Variants in MCAM observed in about 807,000 individuals in gnomAD.
The protein encoded by MCAM is cell surface glycoprotein MUC18.
Under a neutral mutation model 79.1 loss-of-function variants are expected in MCAM, and 55 were observed. The observed-to-expected ratio is 0.70, with a 90% CI of 0.56 to 0.87. The LOEUF (loss-of-function observed/expected upper bound fraction) is 0.87. Among genes scored for constraint, MCAM ranks in the 40% least tolerant of loss-of-function variants. The pLI, the probability that MCAM is intolerant of heterozygous loss-of-function variation, is 0.00. For synonymous variants in MCAM, 330 were observed against 339.8 expected, an observed-to-expected ratio of 0.97 and a Z score of 0.32; for missense variants, 745 against 839.8, an observed-to-expected ratio of 0.89 and a Z score of 1.40.
At chr11:119,314,607 C>T in intron 4 of MCAM, 31 bp from the exon 5 acceptor site, 1 of 1,611,422 alleles carries the variant, frequency 6.2e-7, no homozygotes, top group African/African-American at 1.3e-5. Context: ...GTCTCCCTGC[C>T]TCCGAGCCCC....
chr11:119,310,476 G>A lies in MCAM; in HGVS notation c.1794-10C>T, dbSNP rs1950215736. 1 of 1,548,210 alleles carries A rather than the reference G, an allele frequency of 6.5e-7. No individual in the cohort carries two copies. Among genetic ancestry groups the A allele is most frequent in the Admixed American group, 1.7e-5 (1 of 59,868 alleles). The stretch of plus-strand genomic sequence containing the variant: ...AGACGGGGGTAGCGTGCTGGGAGGA[G>A]GGAGGGAGGTGAGAGGTTGGTATCT... On this transcript the variant is annotated splice_polypyrimidine_tract_variant and intron_variant, in intron 14 of 15. Transcript: ENST00000264036.
chr11:119,312,257 G>A lies in MCAM; in HGVS notation c.1024+9C>T. On this transcript the variant is annotated intron_variant, in intron 8 of 15. Coordinates refer to ENST00000264036, the MANE Select transcript of MCAM (RefSeq NM_006500.3). This position sits in a 1 kb window ranked among gnomAD's most constrained non-coding sequence, Gnocchi z 4.9. ...CTGGTCCCCCTGTCCTGGGTCCCCA[G>A]CCCCTCACAGTTCACCAGTAGTTCC... The A allele has an allele frequency of 6.2e-7, 1 of 1,613,890 alleles. No homozygotes were observed. Among genetic ancestry groups the A allele is most frequent in the Non-Finnish European group, 8.5e-7 (1 of 1,179,884 alleles).
In MCAM at chr11:119,314,726, G is replaced by A. The variant is rs756434251; in HGVS notation, c.424C>T (p.Gln142Ter). ...ACAGGGATGCCCAGGGGGTTGACCT[G>A]GATGTTTGGCTCCTCCGGAGCTTCT... Reference protein sequence around the residue: ...VYKAPEEPNIQVNPLGIPVNS... With the variant: ...VYKAPEEPNI Residue 142 changes from glutamine (Q) to a stop codon, truncating the protein, a stop_gained, in exon 4 of 16, where the codon CAG (glutamine) becomes TAG (stop). Transcript: ENST00000264036. LOFTEE classifies it high-confidence loss of function. The A allele has an allele frequency of 6.2e-7, 1 of 1,613,948 alleles. No individual in the cohort carries two copies. Among genetic ancestry groups the A allele is most frequent in the Admixed American group, 1.7e-5 (1 of 59,998 alleles).
chr11:119,313,396 A>ATT (rs747407625), intron 5 of MCAM: 5,484 of 863,768 alleles, frequency 6.3e-3, no homozygotes, highest in Non-Finnish European at 6.9e-3. Context: ...ACTACTGATA[A>ATT]TTTTTTTTTT....
rs1327647967 is a variant in MCAM at position 119,311,842 on chromosome 11, C to T, written c.1251G>A (p.Leu417=). 1.2e-6 allele frequency: 2 copies of T among 1,614,152 alleles called. No homozygotes were observed. The highest frequency in any genetic ancestry group is 1.7e-6 in the Non-Finnish European group (2 of 1,180,022). ...CVASVPSIPG[L]NRTQLVNVAI... ...CCACGTTGACCAGCTGTGTGCGGTT[C>T]AGGCCGGGTATGCTGGGCACAGACG... The change falls in exon 10 of 16, where the codon CTG becomes CTA. Residue 417 remains leucine, a synonymous_variant. Coordinates refer to ENST00000264036, the MANE Select transcript of MCAM (RefSeq NM_006500.3). This position sits in a 1 kb window ranked among gnomAD's most constrained non-coding sequence, Gnocchi z 4.4.
chr11:119,314,643 G>A (rs745762745), intron 4 of MCAM, 36 bp downstream of exon 4: 77 of 1,610,658 alleles, frequency 4.8e-5, no homozygotes, highest in Non-Finnish European at 4.8e-5. Flanking sequence ...CAGCGGCTGC[G>A]CACCAGCTGC....
At chr11:119,310,558 C>T in intron 14 of MCAM, 92 bp from the exon 15 acceptor site, 1 of 1,110,398 alleles carries the variant, frequency 9.0e-7, no homozygotes, top group South Asian at 1.3e-5. Flanking sequence ...ATGAGGGCTC[C>T]TTGCTCCAGG....
Position 119,309,179 on chromosome 11 carries a change from T to C in MCAM, c.*707A>G, listed in dbSNP as rs547348495. On this transcript the variant is annotated 3_prime_UTR_variant, in exon 16 of 16. Coordinates refer to ENST00000264036, the MANE Select transcript of MCAM (RefSeq NM_006500.3). ...TTAGTAGAGACAGGGTTTCACCGTG[T>C]TAGCCAGGATGGTCTCGTCCTGACT... is the stretch of plus-strand genomic sequence containing the variant. 3 of 152,464 alleles carry C rather than the reference T, an allele frequency of 2.0e-5. No individual in the cohort carries two copies. In the East Asian group the frequency reaches 5.8e-4, roughly 29 times the overall value. The allele number at this position is 152,464 out of a possible 1,614,324, so 9.4% of individuals were successfully genotyped here.
At position 119,312,286 on chromosome 11, in the gene MCAM, G is replaced by C. The variant is rs781333582; in HGVS notation, c.1004C>G (p.Pro335Arg). ...LDTMISLLSE[P>R]QELLVNYVSD... Reference sequence around the variant, plus strand: ...CTCACAGTTCACCAGTAGTTCCTGTGGTTCACTCAGCAGCGATATCATGGT... The same window carrying C: ...CTCACAGTTCACCAGTAGTTCCTGTCGTTCACTCAGCAGCGATATCATGGT... Residue 335 changes from proline (P) to arginine (R), a missense_variant, in exon 8 of 16, where the codon CCA becomes CGA. Physicochemically the swap from Pro to Arg is moderately radical, Grantham distance 103. Coordinates refer to ENST00000264036, the MANE Select transcript of MCAM (RefSeq NM_006500.3). This position sits in a 1 kb window ranked among gnomAD's most constrained non-coding sequence, Gnocchi z 4.9. 2 of 1,614,046 alleles carry C rather than the reference G, an allele frequency of 1.2e-6. No homozygotes were observed. The highest frequency in any genetic ancestry group is 3.3e-5 in the Admixed American group (2 of 60,010).
rs1565280616 is a variant in MCAM at position 119,312,154 on chromosome 11, T to TCGGA, written c.1037_1040dup (p.Val348ProfsTer8). On this transcript the variant is annotated frameshift_variant, in exon 9 of 16. Coordinates refer to ENST00000264036, the MANE Select transcript of MCAM (RefSeq NM_006500.3). LOFTEE classifies it high-confidence loss of function. This position sits in a 1 kb window ranked among gnomAD's most constrained non-coding sequence, Gnocchi z 4.9. The stretch of plus-strand genomic sequence containing the variant: ...GTCTCTCAGGGGCTGCGGGACTCAC[T>TCGGA]CGGACGTCAGACACATCTGGGGGTA... The TCGGA allele has an allele frequency of 3.1e-6, 5 of 1,612,998 alleles. 1 individual carries two copies. In the South Asian group the frequency reaches 5.5e-5, roughly 18 times the overall value.
rs1950220367 is a variant in MCAM at position 119,310,776 on chromosome 11, C to T, written c.1773G>A (p.Arg591=). Residue 591 remains arginine, a synonymous_variant, in exon 14 of 16, where the codon AGG becomes AGA. Coordinates refer to ENST00000264036, the MANE Select transcript of MCAM (RefSeq NM_006500.3). The part of the protein sequence containing the change: ...FLYKKGKLPC[R]RSGKQEITLP... ...CTTACATCTCCTGCTTCCCTGAGCG[C>T]CTGCACGGCAGCTTGCCCTTCTTAT... 6.2e-7 allele frequency: 1 copy of T among 1,613,960 alleles called. No homozygotes were observed. The highest frequency in any genetic ancestry group is 1.3e-5 in the African/African-American group (1 of 74,930).
rs1247340506 is a variant in MCAM at position 119,311,637 on chromosome 11, C to T, written c.1300G>A (p.Ala434Thr). ...ACCCACACCTTCCTCTCCTTGAATG[C>T]CATCCAAGGGGGGCCTTGGGGAGGT... ...NVAIFGPPWM[A>T]FKERKVWVKE... The change falls in exon 11 of 16, where the codon GCA becomes ACA. Residue 434 changes from alanine to threonine, a missense_variant. Transcript: ENST00000264036. This position sits in a 1 kb window ranked among gnomAD's most constrained non-coding sequence, Gnocchi z 4.4. 3 of 1,614,116 alleles carry T rather than the reference C, an allele frequency of 1.9e-6. No individual in the cohort carries two copies. Among genetic ancestry groups the T allele is most frequent in the Admixed American group, 3.3e-5 (2 of 60,030 alleles).
Position 119,314,481 on chromosome 11 carries a change from CTA to C in MCAM, c.559+6_559+7del. On this transcript the variant is annotated splice_donor_region_variant and intron_variant, in intron 5 of 15. Transcript: ENST00000264036. ...CAAGGGTGGCTTTTGGGAGAAAGGG[CTA>C]CTCACGGTTCTTCTCCTCCTTCAGA... 2 of 1,613,134 alleles carry C rather than the reference CTA, an allele frequency of 1.2e-6. No individual in the cohort carries two copies. The highest frequency in any genetic ancestry group is 1.7e-6 in the Non-Finnish European group (2 of 1,179,396).
At chr11:119,314,204 G>A (rs182813708) in intron 5 of MCAM, 9 of 458,206 alleles carry the variant, frequency 2.0e-5, no homozygotes, top group African/African-American at 1.2e-4. Context: ...CACCCAGGCC[G>A]GAGTGTGGTG....
At position 119,310,777 on chromosome 11, in the gene MCAM, C is replaced by G. The variant is rs766043918; in HGVS notation, c.1772G>C (p.Arg591Thr). 1.2e-6 allele frequency: 2 copies of G among 1,614,096 alleles called. No individual in the cohort carries two copies. The highest frequency in any genetic ancestry group is 2.2e-5 in the East Asian group (1 of 44,880). The change falls in exon 14 of 16, where the codon AGG (arginine) becomes ACG (threonine). Residue 591 changes from arginine to threonine, a missense_variant. By Grantham distance (71) the Arg-to-Thr change is moderately conservative. Transcript: ENST00000264036. ...FLYKKGKLPCRRSGKQEITLP... is the reference protein window; with the variant it reads ...FLYKKGKLPCTRSGKQEITLP... ...TTACATCTCCTGCTTCCCTGAGCGC[C>G]TGCACGGCAGCTTGCCCTTCTTATA...
Position 119,311,751 on chromosome 11 carries a change from G to C in MCAM, c.1285+57C>G. ...GCAGCAGGTGGCTTTTTGTCAAAGA[G>C]CTTAAAAACCACCCCACTTGGGGTG... On this transcript the variant is annotated intron_variant, in intron 10 of 15. Transcript: ENST00000264036. This position sits in a 1 kb window ranked among gnomAD's most constrained non-coding sequence, Gnocchi z 4.4. The C allele has an allele frequency of 1.2e-6, 2 of 1,608,532 alleles. No homozygotes were observed. The highest frequency in any genetic ancestry group is 1.7e-6 in the Non-Finnish European group (2 of 1,176,528).
chr11:119,315,366 G>T lies in MCAM; in HGVS notation c.68-103C>A, dbSNP rs1250487562. 2.8e-6 allele frequency: 4 copies of T among 1,418,662 alleles called. No individual in the cohort carries two copies. Among genetic ancestry groups the T allele is most frequent in the African/African-American group, 1.4e-5 (1 of 70,870 alleles). The allele number at this position is 1,418,662 out of a possible 1,614,324, so 87.9% of individuals were successfully genotyped here. On this transcript the variant is annotated intron_variant, in intron 1 of 15. Coordinates refer to ENST00000264036, the MANE Select transcript of MCAM (RefSeq NM_006500.3). This position sits in a 1 kb window ranked among gnomAD's most constrained non-coding sequence, Gnocchi z 4.4. Reference sequence around the variant, plus strand: ...AGCTGTTTTTCCTGCCACTCAGAGGGTCTGCAGAGGGCCCTGTCCTCTGAA... The same window carrying T: ...AGCTGTTTTTCCTGCCACTCAGAGGTTCTGCAGAGGGCCCTGTCCTCTGAA...
intron 14 of MCAM, 85 bp downstream of exon 14, chr11:119,310,668 CCTG>C (rs761289906): frequency 1.3e-4 from 182 of 1,450,838 alleles, no homozygotes; most frequent in Non-Finnish European, 1.6e-4. Flanking sequence ...GGGCCCCACT[CCTG>C]CTGTCAAGGG....
Position 119,314,486 on chromosome 11 carries a change from C to G in MCAM, c.559+3G>C. On this transcript the variant is annotated splice_donor_region_variant and intron_variant, in intron 5 of 15. Coordinates refer to ENST00000264036, the MANE Select transcript of MCAM (RefSeq NM_006500.3). ...GTGGCTTTTGGGAGAAAGGGCTACT[C>G]ACGGTTCTTCTCCTCCTTCAGAGGC... 6.2e-7 allele frequency: 1 copy of G among 1,613,572 alleles called. No homozygotes were observed. The highest frequency in any genetic ancestry group is 8.5e-7 in the Non-Finnish European group (1 of 1,179,766).
Sources: allele counts gnomAD v4.1 joint callset, GRCh38; gene constraint gnomAD v4.1.1; non-coding constraint Gnocchi (gnomAD v3.1); transcripts MANE v1.5; gene names NCBI Gene and HGNC (gene_info 2026-07-23, HGNC 2026-07-21).